The following KRT83 variants were observed in gnomAD, a reference collection of about 807,000 sequenced individuals.
KRT83 encodes the protein keratin 83.
A neutral mutation model predicts 52.9 loss-of-function variants in KRT83; 51 were observed. The ratio of observed to expected loss-of-function variants is 0.96; its 90% CI spans 0.77 to 1.22. The LOEUF (loss-of-function observed/expected upper bound fraction) is 1.22. Ranked by LOEUF, KRT83 falls within the 50% of genes most tolerant of loss-of-function variation. KRT83 has a pLI of 0.00. For synonymous variants in KRT83, 278 were observed against 274.1 expected (o/e 1.01, Z -0.14); for missense variants, 654 against 666.5 (o/e 0.98, Z 0.21).
In KRT83 at chr12:52,320,498, C is replaced by T. The variant is rs1211988104; in HGVS notation, c.384+454G>A. Among the ~76,000 whole-genome samples, 3 of 152,334 alleles carry T rather than the reference C, an allele frequency of 2.0e-5. No individual in the cohort carries two copies. In the East Asian group the frequency reaches 5.8e-4, roughly 29 times the overall value. On this transcript the variant is annotated intron_variant, in intron 1 of 8. Transcript: ENST00000293670. ...GGAACAGTGGCTTGGACAAAATACT[C>T]TAGACCCTGCTCAGTGGCCAAATCA...
chr12:52,315,123 C>A (rs1335607401), intron 8 of KRT83, among the ~76,000 whole-genome samples, 189 bp downstream of exon 8: 1 of 152,124 alleles, frequency 6.6e-6, no homozygotes, highest in Non-Finnish European at 1.5e-5. Context: ...TTTTCCCCTC[C>A]CCAACACATT....
At chr12:52,320,006 G>T (rs1041530662) in intron 1 of KRT83, among the ~76,000 whole-genome samples, 2 of 152,046 alleles carry the variant, frequency 1.3e-5, no homozygotes, top group Admixed American at 6.5e-5. Context: ...CGCTGCAGGG[G>T]GTGTCTTCTC....
Position 52,314,739 on chromosome 12 carries a change from G to A in KRT83, c.1374C>T (p.Cys458=). Residue 458 remains cysteine, a synonymous_variant, in exon 9 of 9, where the codon TGC becomes TGT. Coordinates refer to ENST00000293670, the MANE Select transcript of KRT83 (RefSeq NM_002282.3). ...CCAGGTTCCCGTTGCAGGGGGCACT[G>A]CAGACGCTGCCCGTCACCGGCCGGG... is the stretch of plus-strand genomic sequence containing the variant. ...SGSRPVTGSV[C]SAPCNGNLVV... 2 of 1,596,036 alleles carry A rather than the reference G, an allele frequency of 1.3e-6. No individual in the cohort carries two copies. The highest frequency in any genetic ancestry group is 2.3e-5 in the South Asian group (2 of 87,456).
Position 52,317,715 on chromosome 12 carries a change from T to C in KRT83, c.716A>G (p.Gln239Arg), listed in dbSNP as rs781068595. The C allele has an allele frequency of 2.6e-5, 42 of 1,613,066 alleles. No individual in the cohort carries two copies. The Admixed American group carries it at 6.8e-4, about 26-fold the overall frequency. Residue 239 changes from glutamine (Q) to arginine (R), a missense_variant, in exon 4 of 9, where the codon CAG (glutamine) becomes CGG (arginine). Transcript: ENST00000293670. ...DLEANVEALI[Q>R]EIDFLRRLYE... ...CAGCCGCCTCAGGAAGTCAATCTCCTGGATCAGGGCCTCCACGTTGGCCTC... is the reference window on the plus strand; with the variant it reads ...CAGCCGCCTCAGGAAGTCAATCTCCCGGATCAGGGCCTCCACGTTGGCCTC...
At position 52,317,770 on chromosome 12, in the gene KRT83, C is replaced by A; in HGVS notation, c.661G>T (p.Asp221Tyr). 6.2e-7 allele frequency: 1 copy of A among 1,613,934 alleles called. No individual in the cohort carries two copies. The highest frequency in any genetic ancestry group is 8.5e-7 in the Non-Finnish European group (1 of 1,179,952). Residue 221 changes from aspartate (D) to tyrosine (Y), a missense_variant, in exon 4 of 9, where the codon GAC (aspartate) becomes TAC (tyrosine). Coordinates refer to ENST00000293670, the MANE Select transcript of KRT83 (RefSeq NM_002282.3). The stretch of plus-strand genomic sequence containing the variant: ...TCTGACTTGCGGAGGTAGGCGCAGT[C>A]CACATCCTGGGTGGGGTAGAAGGGG... ...NEFVALKKDV[D>Y]CAYLRKSDLE...
chr12:52,315,975 A>G lies in KRT83; in HGVS notation c.1180T>C (p.Tyr394His), dbSNP rs577607601. 49 of 1,612,912 alleles carry G rather than the reference A, an allele frequency of 3.0e-5. No individual in the cohort carries two copies. In the South Asian group the frequency reaches 5.4e-4, roughly 18 times the overall value. ...KQDMACLIRE[Y>H]QEVMNSKLGL... ...AGCTTGGAGTTCATCACCTCCTGGT[A>G]CTCCCTGATCAGGCAGGCCATGTCT... is the stretch of plus-strand genomic sequence containing the variant. The change falls in exon 7 of 9, where the codon TAC becomes CAC. Residue 394 changes from tyrosine to histidine, a missense_variant. By Grantham distance (83) the Tyr-to-His change is moderately conservative (BLOSUM62 2). Transcript: ENST00000293670.
At position 52,314,795 on chromosome 12, in the gene KRT83, C is replaced by A. The variant is rs774609094; in HGVS notation, c.1318G>T (p.Val440Phe). 5.6e-6 allele frequency: 9 copies of A among 1,606,574 alleles called. No individual in the cohort carries two copies. The highest frequency in any genetic ancestry group is 8.5e-7 in the Non-Finnish European group (1 of 1,177,194). The stretch of plus-strand genomic sequence containing the variant: ...GACACGCAGAGATCCCCGCACACAA[C>A]CCCACCCCGGGAGCTGCTGACACCT... ...NVCVSSSRGG[V>F]VCGDLCVSGS... The change falls in exon 9 of 9, where the codon GTT (valine) becomes TTT (phenylalanine). Residue 440 changes from valine (V) to phenylalanine (F), a missense_variant. Physicochemically the swap from Val to Phe is conservative, Grantham distance 50. Coordinates refer to ENST00000293670, the MANE Select transcript of KRT83 (RefSeq NM_002282.3).
At chr12:52,319,913 T>C (rs4237897) in intron 1 of KRT83, among the ~76,000 whole-genome samples, 57,727 of 152,088 alleles carry the variant, frequency 0.38, 11,482 homozygotes, top group African/African-American at 0.48. Flanking sequence ...CCAACCCCCT[T>C]ATTTTACTGA....
chr12:52,320,601 C>T lies in KRT83; in HGVS notation c.384+351G>A, dbSNP rs544653048. ...GTTTTCCAGCACCACACTTATTAGC[C>T]CTGCCTTGATGGAGACAGCATCTCC... On this transcript the variant is annotated intron_variant, in intron 1 of 8. Transcript: ENST00000293670. Among the ~76,000 whole-genome samples the T allele has an allele frequency of 7.9e-5, 12 of 152,296 alleles. No homozygotes were observed. The South Asian group carries it at 2.5e-3, about 32-fold the overall frequency.
Position 52,319,300 on chromosome 12 carries a change from TCG to T in KRT83, c.447_448del (p.Glu150ValfsTer5), listed in dbSNP as rs546502993. The T allele has an allele frequency of 2.2e-5, 36 of 1,613,962 alleles. No homozygotes were observed. Among genetic ancestry groups the T allele is most frequent in the Non-Finnish European group, 3.0e-5 (35 of 1,179,944 alleles). ...GGGCTCCAGGTTACTCTGGCAGCACTCGCGGTTTTGGTAGAACTGCAGCTTTG... is the reference window on the plus strand; with the variant it reads ...GGGCTCCAGGTTACTCTGGCAGCACTCGGTTTTGGTAGAACTGCAGCTTTG... On this transcript the variant is annotated frameshift_variant, in exon 2 of 9. Coordinates refer to ENST00000293670, the MANE Select transcript of KRT83 (RefSeq NM_002282.3). LOFTEE classifies it high-confidence loss of function.
chr12:52,319,990 C>A (rs954588440), intron 1 of KRT83, among the ~76,000 whole-genome samples: 1 of 152,196 alleles, frequency 6.6e-6, no homozygotes, highest in Non-Finnish European at 1.5e-5. Context: ...AAACTCCGAT[C>A]TTCTGCGCTG....
intron 1 of KRT83, 77 bp downstream of exon 1, chr12:52,320,875 C>T (rs1462671838): frequency 1.2e-6 from 2 of 1,612,902 alleles, no homozygotes; most frequent in Admixed American, 3.3e-5. Flanking sequence ...TTGCCTTTGA[C>T]TTCCCTGTCA....
intron 1 of KRT83, 108 bp from the exon 2 acceptor site, chr12:52,319,472 T>C (rs1938739139): frequency 2.0e-6 from 3 of 1,487,714 alleles, no homozygotes; most frequent in Non-Finnish European, 2.8e-6. Flanking sequence ...ACCCAGAGTC[T>C]TCCCTGGAAG....
At position 52,319,172 on chromosome 12, in the gene KRT83, C is replaced by G. The variant is rs769339595; in HGVS notation, c.577G>C (p.Glu193Gln). 1 of 1,613,450 alleles carries G rather than the reference C, an allele frequency of 6.2e-7. No homozygotes were observed. The highest frequency in any genetic ancestry group is 1.1e-5 in the South Asian group (1 of 91,050). ...CACACTCACTTCTTCTTGTAGCCCT[C>G]CAGCACCTCCTGCACGTGGTTGAGC... is the stretch of plus-strand genomic sequence containing the variant. ...SELNHVQEVL[E>Q]GYKKKYEEEV... Residue 193 changes from glutamate (E) to glutamine (Q), a missense_variant, in exon 2 of 9, where the codon GAG becomes CAG. By Grantham distance (29) the Glu-to-Gln change is conservative (BLOSUM62 2). Transcript: ENST00000293670.
At chr12:52,316,659 A>T in intron 5 of KRT83, 66 bp from the exon 6 acceptor site, 1 of 1,613,124 alleles carries the variant, frequency 6.2e-7, no homozygotes, top group African/African-American at 1.3e-5. Flanking sequence ...GACAGCTCAG[A>T]TGATTGCACA....
At chr12:52,320,275 G>T (rs1187529697) in intron 1 of KRT83, among the ~76,000 whole-genome samples, 1 of 152,286 alleles carries the variant, frequency 6.6e-6, no homozygotes, top group Non-Finnish European at 1.5e-5. Context: ...CCTAGTCAGA[G>T]CCTTTTCTCC....
At position 52,314,309 on chromosome 12, in the gene KRT83, C is replaced by T. The variant is rs1938651448; in HGVS notation, c.*322G>A. 6.8e-6 allele frequency: 3 copies of T among 441,296 alleles called. No individual in the cohort carries two copies. Among genetic ancestry groups the T allele is most frequent in the African/African-American group, 2.0e-5 (1 of 50,034 alleles). The allele number at this position is 441,296 out of a possible 1,614,324, so 27.3% of individuals were successfully genotyped here. A position where few individuals can be genotyped will look rare whatever the true frequency, so the allele number is the denominator to read the frequency against. On this transcript the variant is annotated 3_prime_UTR_variant, in exon 9 of 9. Coordinates refer to ENST00000293670, the MANE Select transcript of KRT83 (RefSeq NM_002282.3). ...ACATTGCAGCACACAAAGCAGGTCC[C>T]CAAGTTTATTGGAAAAGGGGAGACA...
At position 52,320,056 on chromosome 12, in the gene KRT83, G is replaced by C. The variant is rs370365190; in HGVS notation, c.385-692C>G. Among the ~76,000 whole-genome samples the C allele has an allele frequency of 7.2e-4, 109 of 152,332 alleles. 3 individuals are homozygous for C. In the South Asian group the frequency reaches 0.022, roughly 31 times the overall value. ...ATAGGAACATCCCTCTCCCAGCGAT[G>C]AGGTTGGCCCACTACTCCACTCAGC... is the stretch of plus-strand genomic sequence containing the variant. On this transcript the variant is annotated intron_variant, in intron 1 of 8. Transcript: ENST00000293670.
chr12:52,320,673 A>T (rs1481219154), intron 1 of KRT83, among the ~76,000 whole-genome samples: 2 of 152,138 alleles, frequency 1.3e-5, no homozygotes, highest in South Asian at 4.1e-4. Flanking sequence ...GAGCGCCCAC[A>T]CAGTGGTCCT....
Sources: allele counts gnomAD v4.1 joint callset (sites outside exome capture counted in the v4.1 genomes callset), GRCh38; gene constraint gnomAD v4.1.1; transcripts MANE v1.5; gene names NCBI Gene and HGNC (gene_info 2026-07-23, HGNC 2026-07-21).